The following ANTXR2 variants were observed in gnomAD, a reference collection of about 807,000 sequenced individuals.
The protein encoded by ANTXR2 is anthrax toxin receptor 2.
Under a neutral mutation model 73.7 loss-of-function variants are expected in ANTXR2, and 44 were observed. That is an observed-to-expected ratio of 0.60 (90% confidence interval 0.47 to 0.77). ANTXR2 has a LOEUF of 0.77. Among genes scored for constraint, ANTXR2 ranks in the 30% least tolerant of loss-of-function variants. The probability of loss-of-function intolerance (pLI) is 0.00; values close to 1 mark genes in which losing one functional copy is unlikely to be tolerated. For synonymous variants in ANTXR2, 217 were observed against 205.9 expected (o/e 1.05, Z -0.46); for missense variants, 604 against 592.5 (o/e 1.02, Z -0.20).
chr4:80,061,286 G>C (rs10033423), intron 3 of ANTXR2, among the ~76,000 whole-genome samples: 1,815 of 149,314 alleles, frequency 0.012, 27 homozygotes, highest in African/African-American at 0.042. Context: ...GTGTGCCTCT[G>C]TGTGTGTGTG....
Position 80,072,397 on chromosome 4 carries a change from T to C in ANTXR2, c.152+12A>G. ...CTCACCAGGAGACCCTGGACCTCCC[T>C]CGCACACTCACTTGTCCAGGACGAA... On this transcript the variant is annotated intron_variant, in intron 1 of 16. Transcript: ENST00000403729. The C allele has an allele frequency of 6.3e-7, 1 of 1,587,842 alleles. No individual in the cohort carries two copies. Among genetic ancestry groups the C allele is most frequent in the Non-Finnish European group, 8.6e-7 (1 of 1,166,928 alleles).
chr4:80,051,250 A>G (rs1317646306), intron 7 of ANTXR2, among the ~76,000 whole-genome samples: 1 of 151,748 alleles, frequency 6.6e-6, no homozygotes, highest in Non-Finnish European at 1.5e-5. Context: ...TGACTCACTG[A>G]AATTTTCCTC....
rs1729395757 is a variant in ANTXR2, at chr4:79,966,992, T to C, written c.1428+10629A>G. 6.5e-5 allele frequency among the ~76,000 whole-genome samples: 2 copies of C among 30,722 alleles called. 1 individual carries two copies. Among genetic ancestry groups the C allele is most frequent in the African/African-American group, 1.1e-4 (2 of 18,638 alleles). 20.2% of individuals were successfully genotyped at this position (30,722 alleles called of 152,430 possible). A position where few individuals can be genotyped will look rare whatever the true frequency, so the allele number is the denominator to read the frequency against. On this transcript the variant is annotated intron_variant, in intron 16 of 16. Transcript: ENST00000403729. ...GACGCAGAAGACGGTGATTTCTGCA[T>C]TTCCATCTGAGGTACCGGGTTCATC... is the stretch of plus-strand genomic sequence containing the variant.
chr4:80,026,863 T>A (rs1273655611), intron 10 of ANTXR2, among the ~76,000 whole-genome samples: 1 of 152,098 alleles, frequency 6.6e-6, no homozygotes, highest in Non-Finnish European at 1.5e-5. Flanking sequence ...TAGCCACCCC[T>A]CCAGGTGTTC....
chr4:80,026,481 T>A (rs1161428353), intron 10 of ANTXR2, among the ~76,000 whole-genome samples: 1 of 152,180 alleles, frequency 6.6e-6, no homozygotes, highest in Admixed American at 6.6e-5. Flanking sequence ...AAAGCTTTGA[T>A]AATATAAAAT....
chr4:80,025,880 A>C (rs777677045), intron 10 of ANTXR2, among the ~76,000 whole-genome samples: 1 of 152,236 alleles, frequency 6.6e-6, no homozygotes, highest in African/African-American at 2.4e-5. Context: ...ACATTTCAGA[A>C]GGAAAAAGAG....
At chr4:80,023,628 A>T (rs1463066738) in intron 10 of ANTXR2, among the ~76,000 whole-genome samples, 1 of 152,210 alleles carries the variant, frequency 6.6e-6, no homozygotes, top group Non-Finnish European at 1.5e-5. Context: ...GGCATTAGCA[A>T]AGTTTTCCTG....
At chr4:80,024,174 A>T (rs1156705331) in intron 10 of ANTXR2, among the ~76,000 whole-genome samples, 1 of 152,152 alleles carries the variant, frequency 6.6e-6, no homozygotes, top group East Asian at 1.9e-4. Context: ...GAGGAAGAAG[A>T]AAAAAGGATG....
intron 3 of ANTXR2, among the ~76,000 whole-genome samples, chr4:80,068,959 A>C (rs1041580497): frequency 3.3e-5 from 5 of 152,192 alleles, no homozygotes; most frequent in African/African-American, 1.2e-4. Flanking sequence ...ATACATATTG[A>C]TATATACTAA....
At chr4:79,913,284 G>A (rs1293735346) in intron 16 of ANTXR2, among the ~76,000 whole-genome samples, 1 of 152,086 alleles carries the variant, frequency 6.6e-6, no homozygotes, top group Non-Finnish European at 1.5e-5. Flanking sequence ...TTATATGGTA[G>A]AAAATTTATT....
At chr4:80,004,713 A>G (rs1048618563) in intron 12 of ANTXR2, among the ~76,000 whole-genome samples, 1 of 152,138 alleles carries the variant, frequency 6.6e-6, no homozygotes, top group African/African-American at 2.4e-5. Flanking sequence ...TAATTTAATC[A>G]CATCTGTAAA....
chr4:80,044,980 T>C (rs1026349078), intron 7 of ANTXR2, among the ~76,000 whole-genome samples: 2 of 151,836 alleles, frequency 1.3e-5, no homozygotes, highest in Non-Finnish European at 2.9e-5. Context: ...CTAAGAGTTA[T>C]GCATGTAAAA....
chr4:80,024,434 A>G (rs1269617051), intron 10 of ANTXR2, among the ~76,000 whole-genome samples: 1 of 152,300 alleles, frequency 6.6e-6, no homozygotes, highest in East Asian at 1.9e-4. Flanking sequence ...AGAAAGGGTG[A>G]GTTTATAAGT....
chr4:80,057,993 A>T (rs1357399860), intron 3 of ANTXR2, among the ~76,000 whole-genome samples: 1 of 152,074 alleles, frequency 6.6e-6, no homozygotes, highest in Non-Finnish European at 1.5e-5. Flanking sequence ...TACAGAAACA[A>T]CTTGAAACTG....
chr4:79,901,641 C>A lies in ANTXR2; in HGVS notation c.*5788G>T, dbSNP rs1726705587. On this transcript the variant is annotated 3_prime_UTR_variant, in exon 17 of 17. Coordinates refer to ENST00000403729, the MANE Select transcript of ANTXR2 (RefSeq NM_058172.6). ...ATTACATTTATTATGTACTTTATTTCTATTATTATTACATTGTTATATATA... is the reference window on the plus strand; with the variant it reads ...ATTACATTTATTATGTACTTTATTTATATTATTATTACATTGTTATATATA... 1 of 151,622 alleles carries A rather than the reference C, an allele frequency of 6.6e-6. No individual in the cohort carries two copies. Among genetic ancestry groups the A allele is most frequent in the African/African-American group, 2.4e-5 (1 of 41,242 alleles). 9.4% of individuals were successfully genotyped at this position (151,622 alleles called of 1,614,324 possible). A position where few individuals can be genotyped will look rare whatever the true frequency, so the allele number is the denominator to read the frequency against.
intron 7 of ANTXR2, among the ~76,000 whole-genome samples, chr4:80,044,593 A>G (rs1393995752): frequency 6.6e-6 from 1 of 151,942 alleles, no homozygotes; most frequent in African/African-American, 2.4e-5. Context: ...TGAGAGAAAC[A>G]TCTATGAGCT....
intron 16 of ANTXR2, among the ~76,000 whole-genome samples, chr4:79,915,304 T>C (rs1727299997): frequency 6.6e-6 from 1 of 152,190 alleles, no homozygotes; most frequent in Non-Finnish European, 1.5e-5. Flanking sequence ...CTGACTTCAC[T>C]GTCTCATTTT....
At chr4:80,031,396 T>A (rs577024493) in intron 10 of ANTXR2, among the ~76,000 whole-genome samples, 13 of 151,892 alleles carry the variant, frequency 8.6e-5, no homozygotes, top group Non-Finnish European at 1.8e-4. Context: ...TTAATCAGTA[T>A]TGAAGAAACT....
At chr4:79,999,235 C>T (rs2110042257) in intron 12 of ANTXR2, among the ~76,000 whole-genome samples, 1 of 151,964 alleles carries the variant, frequency 6.6e-6, no homozygotes, top group South Asian at 2.1e-4. Context: ...AGGGAGGGAC[C>T]TGGGTGAGAG....
Sources: allele counts gnomAD v4.1 joint callset (sites outside exome capture counted in the v4.1 genomes callset), GRCh38; gene constraint gnomAD v4.1.1; transcripts MANE v1.5; gene names NCBI Gene and HGNC (gene_info 2026-07-23, HGNC 2026-07-21).